SOS1: variants seen among roughly 807,000 people sequenced by gnomAD.
The protein encoded by SOS1 is SOS Ras/Rac guanine nucleotide exchange factor 1.
Under a neutral mutation model 157.6 loss-of-function variants are expected in SOS1, and 25 were observed. The observed-to-expected ratio is 0.16, with a 90% CI of 0.12 to 0.22. The LOEUF (loss-of-function observed/expected upper bound fraction) is 0.22, where lower values mean the gene tolerates loss of function less well. SOS1 is among the 10% of genes least tolerant of loss of function. The probability of loss-of-function intolerance (pLI) is 1.00; values close to 1 mark genes in which losing one functional copy is unlikely to be tolerated. For missense variants in SOS1, 1,237 were observed against 1,599.1 expected (o/e 0.77, Z 3.86); for synonymous variants, 528 against 534.0 (o/e 0.99, Z 0.16).
chr2:39,121,994 T>G (rs1352771798), upstream of SOS1, among the ~76,000 whole-genome samples: 2 of 152,230 alleles, frequency 1.3e-5, no homozygotes, highest in Non-Finnish European at 2.9e-5. Flanking sequence ...GGAACTAGCC[T>G]GGGTTAAAGC....
intron 8 of SOS1, among the ~76,000 whole-genome samples, chr2:39,025,171 C>T (rs1669915012): frequency 6.6e-6 from 1 of 152,112 alleles, no homozygotes; most frequent in African/African-American, 2.4e-5. Flanking sequence ...TTGGGAGGCC[C>T]AGGTGGGAGG....
intron 8 of SOS1, among the ~76,000 whole-genome samples, chr2:39,024,483 GT>G (rs113330424): frequency 0.025 from 3,618 of 144,830 alleles, 140 homozygotes; most frequent in African/African-American, 0.082. Context: ...TGTAGACGAG[GT>G]TTTTTTTTTT....
At chr2:39,047,328 A>G (rs1670826602) in intron 6 of SOS1, among the ~76,000 whole-genome samples, 2 of 152,218 alleles carry the variant, frequency 1.3e-5, no homozygotes, top group African/African-American at 4.8e-5. Flanking sequence ...AACATTCTTC[A>G]ATATGTCTTT....
intron 1 of SOS1, among the ~76,000 whole-genome samples, chr2:39,102,829 C>T (rs1022911649): frequency 1.3e-5 from 2 of 152,036 alleles, no homozygotes; most frequent in African/African-American, 4.8e-5. Context: ...GTGGCATGCA[C>T]CTGTAGTCCC....
intron 1 of SOS1, among the ~76,000 whole-genome samples, chr2:39,074,921 T>C (rs1357419930): frequency 6.7e-6 from 1 of 149,280 alleles, no homozygotes; most frequent in African/African-American, 2.5e-5. Flanking sequence ...AAATGATGTG[T>C]TGGGGAAACT....
At chr2:39,043,928 T>C (rs749311813) in intron 6 of SOS1, among the ~76,000 whole-genome samples, 5 of 152,268 alleles carry the variant, frequency 3.3e-5, no homozygotes, top group Non-Finnish European at 7.3e-5. Flanking sequence ...AAGTCATTTG[T>C]TGAAATACAC....
At chr2:39,101,543 T>A (rs1006081700) in intron 1 of SOS1, among the ~76,000 whole-genome samples, 7 of 152,216 alleles carry the variant, frequency 4.6e-5, no homozygotes, top group African/African-American at 1.7e-4. Context: ...CTATACCTGG[T>A]TTGAATTATA....
At chr2:39,029,505 T>TC (rs1403104588) in intron 8 of SOS1, among the ~76,000 whole-genome samples, 1 of 151,538 alleles carries the variant, frequency 6.6e-6, no homozygotes, top group African/African-American at 2.4e-5. Flanking sequence ...ACAACCAGAG[T>TC]CCCAGCTACT....
chr2:39,081,583 G>A (rs1309641379), intron 1 of SOS1, among the ~76,000 whole-genome samples: 4 of 152,056 alleles, frequency 2.6e-5, no homozygotes, highest in African/African-American at 7.2e-5. Flanking sequence ...CCGGCACTTT[G>A]GGAGGCCAAG....
intron 6 of SOS1, among the ~76,000 whole-genome samples, chr2:39,042,383 G>C (rs902538018): frequency 3.4e-4 from 51 of 152,002 alleles, no homozygotes; most frequent in African/African-American, 1.1e-3. Context: ...TCTTCCTTGT[G>C]AATCTAATTT....
At chr2:39,009,759 A>T (rs1669399573) in intron 15 of SOS1, among the ~76,000 whole-genome samples, 2 of 152,196 alleles carry the variant, frequency 1.3e-5, no homozygotes, top group Admixed American at 1.3e-4. Context: ...GAGAAAGGGA[A>T]TAGAGCTACA....
At chr2:39,031,695 G>T (rs1000366179) in intron 8 of SOS1, among the ~76,000 whole-genome samples, 2 of 152,068 alleles carry the variant, frequency 1.3e-5, no homozygotes. Flanking sequence ...CTGCACTCAA[G>T]CCTGGGCGAC....
At chr2:39,028,100 G>GC (rs1274804130) in intron 8 of SOS1, among the ~76,000 whole-genome samples, 1 of 152,154 alleles carries the variant, frequency 6.6e-6, no homozygotes, top group Non-Finnish European at 1.5e-5. Flanking sequence ...GAGCCACTGT[G>GC]CCCAGCCAGG....
At chr2:39,056,344 G>C (rs1249543319) in intron 4 of SOS1, among the ~76,000 whole-genome samples, 1 of 152,104 alleles carries the variant, frequency 6.6e-6, no homozygotes, top group Non-Finnish European at 1.5e-5. Flanking sequence ...TTGAATCCAG[G>C]AGGCGGAGGT....
chr2:39,090,855 T>G (rs188624767), intron 1 of SOS1, among the ~76,000 whole-genome samples: 14 of 152,186 alleles, frequency 9.2e-5, no homozygotes, highest in African/African-American at 1.2e-4. Context: ...TAGAACATTT[T>G]TTGTTGTTGT....
chr2:39,066,396 A>T (rs930284067), intron 2 of SOS1, among the ~76,000 whole-genome samples: 4 of 152,214 alleles, frequency 2.6e-5, no homozygotes, highest in African/African-American at 9.7e-5. Context: ...GAAGTCATTA[A>T]AGTCAAACGG....
At chr2:39,113,686 G>T (rs1184950184) in intron 1 of SOS1, among the ~76,000 whole-genome samples, 1 of 152,158 alleles carries the variant, frequency 6.6e-6, no homozygotes, top group East Asian at 1.9e-4. Flanking sequence ...GAACACAGGT[G>T]AAGTGCTTAC....
intron 10 of SOS1, among the ~76,000 whole-genome samples, chr2:39,018,714 T>C (rs1475187842): frequency 6.6e-6 from 1 of 151,754 alleles, no homozygotes; most frequent in African/African-American, 2.4e-5. Flanking sequence ...AAAAAAGTTA[T>C]TTATGTAAAG....
At chr2:39,025,746 G>A (rs1345023800) in intron 8 of SOS1, among the ~76,000 whole-genome samples, 1 of 152,116 alleles carries the variant, frequency 6.6e-6, no homozygotes, top group Non-Finnish European at 1.5e-5. Flanking sequence ...TTCCTTAAAG[G>A]TCAACAACAC....
Sources: allele counts gnomAD v4.1 joint callset (sites outside exome capture counted in the v4.1 genomes callset), GRCh38; gene constraint gnomAD v4.1.1; transcripts MANE v1.5; gene names NCBI Gene and HGNC (gene_info 2026-07-23, HGNC 2026-07-21).